The following EML1 variants were observed in gnomAD, a reference collection of about 807,000 sequenced individuals.
EML1 encodes EMAP like 1, also known as echinoderm microtubule-associated protein-like 1.
A neutral mutation model predicts 110.4 loss-of-function variants in EML1; 27 were observed. That is an observed-to-expected ratio of 0.24 (90% CI 0.18 to 0.34). EML1 has a LOEUF of 0.34. Among genes scored for constraint, EML1 ranks in the 10% least tolerant of loss-of-function variants. EML1 has a pLI of 1.00. For missense variants in EML1, 741 were observed against 1,030.9 expected, an observed-to-expected ratio of 0.72 and a Z score of 3.85; for synonymous variants, 344 against 385.8, an observed-to-expected ratio of 0.89 and a Z score of 1.27.
intron 1 of EML1, among the ~76,000 whole-genome samples, chr14:99,830,141 T>G (rs1263722472): frequency 6.6e-6 from 1 of 152,232 alleles, no homozygotes; most frequent in Non-Finnish European, 1.5e-5. Context: ...TTTCTTCGCA[T>G]TCTTGCCAAT....
At chr14:99,931,247 C>A (rs2060361909) in intron 17 of EML1, among the ~76,000 whole-genome samples, 1 of 152,132 alleles carries the variant, frequency 6.6e-6, no homozygotes, top group Non-Finnish European at 1.5e-5. Flanking sequence ...TCGCTGCCAC[C>A]CCCTCCCTCC....
chr14:99,891,748 G>A (rs2059591084), intron 5 of EML1, among the ~76,000 whole-genome samples: 1 of 152,264 alleles, frequency 6.6e-6, no homozygotes, highest in East Asian at 1.9e-4. Context: ...GGTAGATGCT[G>A]TTGTCTAGCA....
chr14:99,764,831 C>T (rs920011148), intron 1 of EML1, among the ~76,000 whole-genome samples: 1 of 152,194 alleles, frequency 6.6e-6, no homozygotes, highest in Non-Finnish European at 1.5e-5. Context: ...TATAGGGACA[C>T]CCAAACCGCT....
Position 99,939,370 on chromosome 14 carries a change from A to T in EML1, c.2322+43A>T. The T allele has an allele frequency of 6.2e-7, 1 of 1,610,650 alleles. No homozygotes were observed. The highest frequency in any genetic ancestry group is 8.5e-7 in the Non-Finnish European group (1 of 1,177,872). On this transcript the variant is annotated intron_variant, in intron 21 of 21. Transcript: ENST00000262233. This position sits in a 1 kb window ranked among gnomAD's most constrained non-coding sequence, Gnocchi z 4.2. Reference sequence around the variant, plus strand: ...TCACTAATCTTATCCCCCATGGGGCATGCACGTACACCCGACCTGTTTGGA... The same window carrying T: ...TCACTAATCTTATCCCCCATGGGGCTTGCACGTACACCCGACCTGTTTGGA...
Position 99,805,097 on chromosome 14 carries a change from C to T in EML1, c.67+11554C>T, listed in dbSNP as rs537182733. Among the ~76,000 whole-genome samples the T allele has an allele frequency of 2.6e-4, 39 of 152,280 alleles. No individual in the cohort carries two copies. In the East Asian group the frequency reaches 5.8e-3, roughly 23 times the overall value. ...CCTTCAGAACCCTGCTCCCATGCCA[C>T]GGGAAACCTCAGGGCAGGTAGATGT... On this transcript the variant is annotated intron_variant, in intron 1 of 21. Coordinates refer to ENST00000262233, the MANE Select transcript of EML1 (RefSeq NM_004434.3).
chr14:99,755,190 G>A (rs2057233874), intron 1 of EML1, among the ~76,000 whole-genome samples: 1 of 152,356 alleles, frequency 6.6e-6, no homozygotes, highest in Admixed American at 6.5e-5. Flanking sequence ...ATAATGGAAA[G>A]GCTGGCATGC....
At chr14:99,835,757 T>C (rs779665745) in intron 1 of EML1, among the ~76,000 whole-genome samples, 32 of 152,262 alleles carry the variant, frequency 2.1e-4, no homozygotes, top group Non-Finnish European at 3.2e-4. Context: ...ATTTTGCATG[T>C]GGACATTCAA....
Position 99,901,008 on chromosome 14 carries a change from G to A in EML1, c.977G>A (p.Arg326Gln), listed in dbSNP as rs766326324. The part of the protein sequence containing the change: ...LHVIGIGFFD[R>Q]AVTCIAFSKS... ...GTCATTGGAATAGGTTTTTTTGACC[G>A]AGCAGTCACCTGTATTGCATTCTCA... Residue 326 changes from arginine to glutamine, a missense_variant, in exon 9 of 22, where the codon CGA (arginine) becomes CAA (glutamine). Physicochemically the swap from Arg to Gln is conservative, Grantham distance 43 (BLOSUM62 1). Coordinates refer to ENST00000262233, the MANE Select transcript of EML1 (RefSeq NM_004434.3). The A allele has an allele frequency of 1.9e-6, 3 of 1,614,086 alleles. No individual in the cohort carries two copies. Among genetic ancestry groups the A allele is most frequent in the Non-Finnish European group, 2.5e-6 (3 of 1,179,976 alleles).
At chr14:99,875,271 C>T (rs189493910) in intron 3 of EML1, among the ~76,000 whole-genome samples, 1 of 152,092 alleles carries the variant, frequency 6.6e-6, no homozygotes, top group African/African-American at 2.4e-5. Flanking sequence ...TGCTGTAACC[C>T]CAAACAAGTT....
intron 1 of EML1, among the ~76,000 whole-genome samples, chr14:99,775,126 C>A (rs2057468021): frequency 1.3e-5 from 2 of 152,186 alleles, no homozygotes; most frequent in Admixed American, 6.5e-5. Flanking sequence ...AGAGGCAGAG[C>A]ATCACAGCAT....
chr14:99,869,594 A>G (rs1407470418), intron 3 of EML1, among the ~76,000 whole-genome samples: 1 of 152,232 alleles, frequency 6.6e-6, no homozygotes, highest in African/African-American at 2.4e-5. Flanking sequence ...GATTCGGCTT[A>G]ATGAGGAAGA....
chr14:99,909,518 G>T, intron 11 of EML1, 39 bp downstream of exon 11: 2 of 1,612,512 alleles, frequency 1.2e-6, no homozygotes, highest in African/African-American at 1.3e-5. Flanking sequence ...TTTTTCTCTC[G>T]TATATGTGAT....
chr14:99,882,244 T>G (rs368094167), intron 4 of EML1, among the ~76,000 whole-genome samples: 82 of 152,358 alleles, frequency 5.4e-4, no homozygotes, highest in African/African-American at 1.9e-3. Context: ...TTGTAAAATG[T>G]AGCCAGTGAA....
chr14:99,764,185 G>A (rs1309570094), intron 1 of EML1, among the ~76,000 whole-genome samples: 1 of 152,160 alleles, frequency 6.6e-6, no homozygotes, highest in Non-Finnish European at 1.5e-5. Flanking sequence ...CCATGAGGAC[G>A]TTGGGCTGGG....
chr14:99,840,774 T>C (rs2058619635), intron 1 of EML1, among the ~76,000 whole-genome samples: 1 of 152,364 alleles, frequency 6.6e-6, no homozygotes, highest in Non-Finnish European at 1.5e-5. Context: ...TATCCCTGGA[T>C]ACTGAGATAA....
intron 1 of EML1, among the ~76,000 whole-genome samples, chr14:99,782,582 G>C (rs2057552739): frequency 6.6e-6 from 1 of 152,188 alleles, no homozygotes; most frequent in Admixed American, 6.5e-5. Flanking sequence ...AAGAACCGGT[G>C]ACCAAGCCTG....
In EML1 at chr14:99,851,031, C is replaced by A; in HGVS notation, c.246C>A (p.Thr82=). 6.2e-7 allele frequency: 1 copy of A among 1,609,956 alleles called. No individual in the cohort carries two copies. The highest frequency in any genetic ancestry group is 8.5e-7 in the Non-Finnish European group (1 of 1,176,974). The change falls in exon 2 of 22, where the codon ACC becomes ACA. Residue 82 remains threonine (T), a synonymous_variant. Coordinates refer to ENST00000262233, the MANE Select transcript of EML1 (RefSeq NM_004434.3). ...QQAVLNRKGP[T]KARPLMQTLP... is the part of the protein sequence containing the mutation. ...CCGTGCTTAACAGGAAAGGACCTAC[C>A]AAAGGTGGGCGTTTGAGTGACACAG... is the stretch of plus-strand genomic sequence containing the variant.
At chr14:99,833,752 C>T (rs1476201680) in intron 1 of EML1, among the ~76,000 whole-genome samples, 1 of 152,166 alleles carries the variant, frequency 6.6e-6, no homozygotes, top group Non-Finnish European at 1.5e-5. Flanking sequence ...TATCCCTAAG[C>T]ATTTCATATT....
At chr14:99,753,196 G>GAC (rs2057198145) in intron 1 of EML1, among the ~76,000 whole-genome samples, 1 of 81,848 alleles carries the variant, frequency 1.2e-5, no homozygotes, top group Non-Finnish European at 2.4e-5. Context: ...CGCACCCCCC[G>GAC]CCCCCCCGCC....
Sources: allele counts gnomAD v4.1 joint callset (sites outside exome capture counted in the v4.1 genomes callset), GRCh38; gene constraint gnomAD v4.1.1; non-coding constraint Gnocchi (gnomAD v3.1); transcripts MANE v1.5; gene names NCBI Gene and HGNC (gene_info 2026-07-23, HGNC 2026-07-21).